The following DIAPH2 variants were observed in gnomAD, a reference collection of about 807,000 sequenced individuals.
DIAPH2 encodes diaphanous related formin 2.
In DIAPH2, 35 loss-of-function variants were observed where a neutral mutation model predicts 92.7. That is an observed-to-expected ratio of 0.38 (90% CI 0.29 to 0.50). The LOEUF (loss-of-function observed/expected upper bound fraction) is 0.50. Among genes scored for constraint, DIAPH2 ranks in the 20% least tolerant of loss-of-function variants. The pLI is 0.94. For synonymous variants in DIAPH2, 301 were observed against 280.4 expected (o/e 1.07, Z -0.73); for missense variants, 701 against 819.5 (o/e 0.86, Z 1.77).
At chrX:97,456,653 C>A (rs1225538120) in intron 26 of DIAPH2, among the ~76,000 whole-genome samples, 1 of 111,299 alleles carries the variant, frequency 9.0e-6, no homozygotes, top group Non-Finnish European at 1.9e-5. Context: ...TGATGTGGAA[C>A]CTCAATAGTC....
At chrX:97,330,568 A>G (rs1326403214) in intron 23 of DIAPH2, among the ~76,000 whole-genome samples, 1 of 105,945 alleles carries the variant, frequency 9.4e-6, no homozygotes, top group Non-Finnish European at 1.9e-5. Context: ...GCTGGAGTGC[A>G]GTGGTGCAAT....
At chrX:97,524,771 C>T (rs755309345) in intron 26 of DIAPH2, among the ~76,000 whole-genome samples, 11 of 112,016 alleles carry the variant, frequency 9.8e-5, no homozygotes, top group African/African-American at 3.2e-4. Flanking sequence ...ACATTAAATG[C>T]TTTTGTTCAC....
At chrX:97,195,866 G>A (rs5920829) in intron 22 of DIAPH2, among the ~76,000 whole-genome samples, 37,221 of 107,698 alleles carry the variant, frequency 0.35, 5,161 homozygotes, top group East Asian at 0.63. Context: ...AGTAGTAAAC[G>A]TGATTGTTCA....
intron 19 of DIAPH2, among the ~76,000 whole-genome samples, chrX:97,086,051 A>G (rs979454319): frequency 8.9e-6 from 1 of 111,807 alleles, no homozygotes; most frequent in African/African-American, 3.2e-5. Flanking sequence ...GTGAAAGCCA[A>G]TATGATAGGG....
At chrX:97,278,572 A>C (rs2068470787) in intron 23 of DIAPH2, among the ~76,000 whole-genome samples, 7 of 111,867 alleles carry the variant, frequency 6.3e-5, no homozygotes, top group Admixed American at 5.7e-4. Context: ...ACAAGTTGGA[A>C]TTCTGTAAAA....
rs1382783008 is a variant in DIAPH2, at chrX:97,359,205, A to G, written c.3009+10925A>G. ...ACTTCCCTGTGTCAAGGGGCCTTAA[A>G]TCAGTAATTGGTGACTGTCCAGTTA... On this transcript the variant is annotated intron_variant, in intron 24 of 26. Coordinates refer to ENST00000324765, the MANE Select transcript of DIAPH2 (RefSeq NM_006729.5). Among the ~76,000 whole-genome samples, 3 of 111,507 alleles carry G rather than the reference A, an allele frequency of 2.7e-5. No homozygotes were observed. In the East Asian group the frequency reaches 8.4e-4, roughly 31 times the overall value.
intron 17 of DIAPH2, among the ~76,000 whole-genome samples, chrX:96,990,519 C>A (rs2066062364): frequency 1.8e-5 from 2 of 111,874 alleles, no homozygotes; most frequent in African/African-American, 6.5e-5. Flanking sequence ...GTGTTTTCTG[C>A]AATACTTCCT....
Position 96,685,114 on chromosome X carries a change from G to C in DIAPH2, c.56G>C (p.Gly19Ala). 1 of 1,017,164 alleles carries C rather than the reference G, an allele frequency of 9.8e-7. No homozygotes were observed. The highest frequency in any genetic ancestry group is 2.0e-5 in the African/African-American group (1 of 50,899). The allele number at this position is 1,017,164 out of a possible 1,213,427, so 83.8% of individuals were successfully genotyped here. A position where few individuals can be genotyped will look rare whatever the true frequency, so the allele number is the denominator to read the frequency against. ...GCGGGAGGCGGCAGCGAGGAACCCGGTGGGGGCCGGAGCAACAAGCGGAGC... is the reference window on the plus strand; with the variant it reads ...GCGGGAGGCGGCAGCGAGGAACCCGCTGGGGGCCGGAGCAACAAGCGGAGC... ...SGAGGGSEEP[G>A]GGRSNKRSAG... The change falls in exon 1 of 27, where the codon GGT (glycine) becomes GCT (alanine). Residue 19 changes from glycine (G) to alanine (A), a missense_variant. By Grantham distance (60) the Gly-to-Ala change is moderately conservative. This residue lies in a region of DIAPH2 where 131 missense variants were observed against 145.6 expected (regional missense o/e 0.90). Transcript: ENST00000324765.
chrX:97,359,393 A>G (rs1184082684), intron 24 of DIAPH2, among the ~76,000 whole-genome samples: 1 of 110,070 alleles, frequency 9.1e-6, no homozygotes, highest in Non-Finnish European at 1.9e-5. Flanking sequence ...TCTTAACAAA[A>G]GCAATGTTAC....
intron 23 of DIAPH2, among the ~76,000 whole-genome samples, chrX:97,336,209 C>T (rs1354256531): frequency 7.3e-5 from 8 of 109,104 alleles, no homozygotes; most frequent in Non-Finnish European, 9.5e-5. Flanking sequence ...CTTATAACAA[C>T]TTAAGCTTTG....
chrX:96,774,461 A>T (rs2064362069), intron 4 of DIAPH2, among the ~76,000 whole-genome samples: 1 of 111,484 alleles, frequency 9.0e-6, no homozygotes, highest in Non-Finnish European at 1.9e-5. Flanking sequence ...AGAATTAAAG[A>T]CCTCTGTGCA....
At chrX:97,469,402 A>G (rs760133273) in intron 26 of DIAPH2, among the ~76,000 whole-genome samples, 58 of 111,945 alleles carry the variant, frequency 5.2e-4, no homozygotes, top group Non-Finnish European at 8.5e-4. Context: ...TTCCAAAGAA[A>G]CAAGCAAGAA....
At chrX:97,355,288 T>C (rs1681539528) in intron 24 of DIAPH2, among the ~76,000 whole-genome samples, 1 of 111,172 alleles carries the variant, frequency 9.0e-6, no homozygotes, top group Non-Finnish European at 1.9e-5. Context: ...TTATTAATGG[T>C]AATTTACCTT....
At chrX:97,187,280 C>CTTTTTTTTTTTTTTTTTTT (rs1569323905) in intron 22 of DIAPH2, among the ~76,000 whole-genome samples, 3 of 10,215 alleles carry the variant, frequency 2.9e-4, no homozygotes, top group African/African-American at 3.8e-4. Context: ...AATTAAGTAG[C>CTTTTTTTTTTTTTTTTTTT]CTTTTTTTTT....
intron 26 of DIAPH2, among the ~76,000 whole-genome samples, chrX:97,444,775 A>G (rs183376243): frequency 2.2e-4 from 25 of 112,091 alleles, no homozygotes; most frequent in Admixed American, 5.7e-4. Context: ...ACCATAAACA[A>G]TCATGAATTG....
chrX:97,280,762 A>G (rs2068490479), intron 23 of DIAPH2, among the ~76,000 whole-genome samples: 1 of 110,962 alleles, frequency 9.0e-6, no homozygotes, highest in African/African-American at 3.3e-5. Context: ...TACTTCTTTA[A>G]TGGTTTGACA....
At chrX:97,567,474 T>G (rs1431740836) in intron 26 of DIAPH2, among the ~76,000 whole-genome samples, 1 of 112,264 alleles carries the variant, frequency 8.9e-6, no homozygotes, top group Non-Finnish European at 1.9e-5. Context: ...AAGATTCAGA[T>G]TTATATGCAG....
intron 17 of DIAPH2, among the ~76,000 whole-genome samples, chrX:97,018,518 T>A: frequency 8.9e-6 from 1 of 112,281 alleles, no homozygotes; most frequent in South Asian, 3.7e-4. Flanking sequence ...GATACATTGA[T>A]TTTAATAGAG....
chrX:96,881,140 A>G (rs888276811), intron 4 of DIAPH2, among the ~76,000 whole-genome samples: 1 of 111,166 alleles, frequency 9.0e-6, no homozygotes, highest in Non-Finnish European at 1.9e-5. Flanking sequence ...CTTTCAATAG[A>G]TTTGGGTTAT....
Sources: allele counts gnomAD v4.1 joint callset (sites outside exome capture counted in the v4.1 genomes callset), GRCh38; gene constraint gnomAD v4.1.1; regional missense constraint gnomAD v4.1.1; transcripts MANE v1.5; gene names NCBI Gene and HGNC (gene_info 2026-07-23, HGNC 2026-07-21).